RBFOX1: variants seen among roughly 807,000 people sequenced by gnomAD.
RBFOX1 encodes RNA binding protein fox-1 homolog 1.
In RBFOX1, 8 loss-of-function variants were observed where a neutral mutation model predicts 57.7. The ratio of observed to expected loss-of-function variants is 0.14; its 90% confidence interval spans 0.08 to 0.25. The LOEUF is 0.25. Among genes scored for constraint, RBFOX1 ranks in the 10% least tolerant of loss-of-function variants. The pLI, the probability that RBFOX1 is intolerant of heterozygous loss-of-function variation, is 1.00. For synonymous variants in RBFOX1, 326 were observed against 222.4 expected (o/e 1.47, Z -4.15); for missense variants, 611 against 548.5 (o/e 1.11, Z -1.14).
chr16:6,664,458 T>G (rs1354554667), intron 3 of RBFOX1, among the ~76,000 whole-genome samples: 1 of 152,220 alleles, frequency 6.6e-6, no homozygotes, highest in Non-Finnish European at 1.5e-5. Context: ...TCTACAGATC[T>G]GCCTCAGCTC....
At chr16:6,403,174 A>T (rs2093144317) in intron 2 of RBFOX1, among the ~76,000 whole-genome samples, 1 of 152,154 alleles carries the variant, frequency 6.6e-6, no homozygotes, top group African/African-American at 2.4e-5. Flanking sequence ...AGATTGTTAG[A>T]ACTACAGACT....
intron 5 of RBFOX1, among the ~76,000 whole-genome samples, chr16:7,570,975 T>G (rs537473775): frequency 6.6e-6 from 1 of 152,118 alleles, no homozygotes; most frequent in South Asian, 2.1e-4. Flanking sequence ...AGCAAACTGA[T>G]GCAGGAACAG....
intron 3 of RBFOX1, among the ~76,000 whole-genome samples, chr16:6,987,456 GAC>G (rs199503873): frequency 0.24 from 32,074 of 134,770 alleles, 3,708 homozygotes; most frequent in Middle Eastern, 0.29. Context: ...AAACTTTTCA[GAC>G]ACACACACAC....
intron 3 of RBFOX1, among the ~76,000 whole-genome samples, chr16:5,793,366 C>A (rs1022102161): frequency 1.3e-5 from 2 of 152,224 alleles, no homozygotes; most frequent in African/African-American, 4.8e-5. Flanking sequence ...AAAGGAAATG[C>A]AAACCTGAGC....
intron 4 of RBFOX1, among the ~76,000 whole-genome samples, chr16:7,103,817 C>A (rs549654456): frequency 6.6e-6 from 1 of 152,254 alleles, no homozygotes; most frequent in South Asian, 2.1e-4. Flanking sequence ...CTCGTGACTT[C>A]AAGTGCCTTT....
chr16:6,655,690 G>C (rs1345872479), intron 3 of RBFOX1, among the ~76,000 whole-genome samples: 4 of 152,248 alleles, frequency 2.6e-5, no homozygotes, highest in Middle Eastern at 3.4e-3. Context: ...GTATGCCTTG[G>C]ATCCAAAGAG....
At chr16:5,428,122 CTGTGTGTGTGTGTGTGTG>C (rs3084227) in intron 1 of RBFOX1, among the ~76,000 whole-genome samples, 4 of 141,768 alleles carry the variant, frequency 2.8e-5, no homozygotes, top group African/African-American at 1.1e-4. Context: ...GTGTGTGTGT[CTGTGTGTGTGTGTGTGTG>C]TGTGTGTATG....
chr16:5,826,950 C>T (rs770330014), intron 3 of RBFOX1, among the ~76,000 whole-genome samples: 18 of 152,176 alleles, frequency 1.2e-4, no homozygotes, highest in Non-Finnish European at 5.9e-5. Context: ...TTCCAGAAAA[C>T]AGTTGTGTAG....
intron 3 of RBFOX1, among the ~76,000 whole-genome samples, chr16:7,022,108 A>G (rs928082829): frequency 7.6e-6 from 1 of 132,244 alleles, no homozygotes; most frequent in African/African-American, 2.9e-5. Context: ...TGTCACCCAG[A>G]TTGGAGTGTG....
At chr16:5,957,564 G>A (rs548517815) in intron 4 of RBFOX1, among the ~76,000 whole-genome samples, 135 of 152,254 alleles carry the variant, frequency 8.9e-4, no homozygotes, top group Non-Finnish European at 1.7e-3. Context: ...AATTTCTGGA[G>A]CAGCTGATCC....
intron 1 of RBFOX1, among the ~76,000 whole-genome samples, chr16:5,316,471 C>T (rs1370200450): frequency 6.6e-6 from 1 of 152,190 alleles, no homozygotes; most frequent in Non-Finnish European, 1.5e-5. Context: ...TCTGAATACT[C>T]TCCTCCATTG....
At chr16:6,439,723 T>C (rs753810212) in intron 2 of RBFOX1, among the ~76,000 whole-genome samples, 8 of 152,058 alleles carry the variant, frequency 5.3e-5, no homozygotes, top group Non-Finnish European at 1.0e-4. Context: ...GGGGTAGACA[T>C]ATTATTTGGG....
chr16:7,225,260 A>G (rs1267823573), intron 4 of RBFOX1, among the ~76,000 whole-genome samples: 1 of 152,094 alleles, frequency 6.6e-6, no homozygotes, highest in Non-Finnish European at 1.5e-5. Context: ...CTCATCTTGA[A>G]TTGTAGCTCC....
intron 3 of RBFOX1, among the ~76,000 whole-genome samples, chr16:6,714,537 C>T (rs1035091723): frequency 1.3e-5 from 2 of 152,074 alleles, no homozygotes; most frequent in African/African-American, 4.8e-5. Context: ...ACTTATACTG[C>T]AAGTCTCATT....
intron 2 of RBFOX1, among the ~76,000 whole-genome samples, chr16:6,357,796 C>T (rs972966186): frequency 7.2e-5 from 11 of 151,778 alleles, no homozygotes; most frequent in African/African-American, 2.7e-4. Flanking sequence ...ACTAAAATTA[C>T]AAAAATTAGC....
chr16:7,671,611 C>T lies in RBFOX1; in HGVS notation c.931-5163C>T, dbSNP rs756935023. 3.0e-5 allele frequency: 49 copies of T among 1,606,830 alleles called. No homozygotes were observed. The South Asian group carries it at 3.8e-4, about 13-fold the overall frequency. The stretch of plus-strand genomic sequence containing the variant: ...ATAAATTGCTGCAGGTATGAAATCC[C>T]GACTGGTGGAGAAACTCATCACTAT... On this transcript the variant is annotated intron_variant, in intron 13 of 15. Transcript: ENST00000550418.
intron 1 of RBFOX1, among the ~76,000 whole-genome samples, chr16:6,265,731 C>G (rs1255669467): frequency 1.3e-5 from 2 of 152,162 alleles, no homozygotes; most frequent in Admixed American, 6.5e-5. Flanking sequence ...CATGTTAGCT[C>G]TCTCAACTGC....
intron 4 of RBFOX1, among the ~76,000 whole-genome samples, chr16:7,385,359 G>A (rs1378579907): frequency 6.6e-6 from 1 of 152,122 alleles, no homozygotes; most frequent in African/African-American, 2.4e-5. Context: ...GGAAGGTGAA[G>A]GAAATGGAAG....
At chr16:7,152,863 T>C (rs2076362125) in intron 4 of RBFOX1, among the ~76,000 whole-genome samples, 2 of 152,162 alleles carry the variant, frequency 1.3e-5, no homozygotes, top group South Asian at 2.1e-4. Context: ...TGAAGGCACT[T>C]AATCATTTGC....
Sources: gnomAD v4.1 joint callset for allele counts (sites outside exome capture counted in the v4.1 genomes callset) on GRCh38, gnomAD v4.1.1 for gene constraint, MANE v1.5 for transcripts, NCBI Gene and HGNC (gene_info 2026-07-23, HGNC 2026-07-21) for gene names.